CNTNAP3: variants seen among roughly 807,000 people sequenced by gnomAD.
CNTNAP3 encodes contactin associated protein family member 3, also known as contactin-associated protein-like 3.
CNTNAP3 carries 36 observed loss-of-function variants against 92.1 expected under a neutral mutation model. That is an observed-to-expected ratio of 0.39 (90% CI 0.30 to 0.52). CNTNAP3 has a LOEUF of 0.52. CNTNAP3 is among the 20% of genes least tolerant of loss of function. The probability of loss-of-function intolerance (pLI) is 0.76; values close to 1 mark genes in which losing one functional copy is unlikely to be tolerated. For missense variants in CNTNAP3, 534 were observed against 1,069.6 expected (o/e 0.50, Z 6.98); for synonymous variants, 232 against 422.3 (o/e 0.55, Z 5.53).
intron 13 of CNTNAP3, among the ~76,000 whole-genome samples, chr9:39,132,315 AG>A (rs1421773824): frequency 6.6e-6 from 1 of 152,138 alleles, no homozygotes; most frequent in African/African-American, 2.4e-5. Context: ...TTAACTTAGG[AG>A]AAGATGGTTT....
At chr9:39,137,328 T>C (rs1478933845) in intron 12 of CNTNAP3, among the ~76,000 whole-genome samples, 1 of 151,972 alleles carries the variant, frequency 6.6e-6, no homozygotes, top group Non-Finnish European at 1.5e-5. Flanking sequence ...GTTATGCTGT[T>C]TTTGATCTCT....
intron 18 of CNTNAP3, among the ~76,000 whole-genome samples, chr9:39,091,171 C>CTTCTT (rs1554714450): frequency 6.3e-4 from 81 of 128,492 alleles, no homozygotes; most frequent in African/African-American, 2.1e-3. Flanking sequence ...TTTTCTTCTT[C>CTTCTT]TTTTTTTTTT....
At chr9:39,113,483 A>C (rs1440669412) in intron 14 of CNTNAP3, among the ~76,000 whole-genome samples, 3 of 152,030 alleles carry the variant, frequency 2.0e-5, no homozygotes, top group Non-Finnish European at 4.4e-5. Context: ...TAAATTCAGC[A>C]AACTTACTGA....
At chr9:39,124,890 A>C (rs1472270777) in intron 13 of CNTNAP3, among the ~76,000 whole-genome samples, 2 of 152,094 alleles carry the variant, frequency 1.3e-5, no homozygotes, top group African/African-American at 4.8e-5. Context: ...AGAAATAGGA[A>C]CACTTTTACA....
intron 21 of CNTNAP3, among the ~76,000 whole-genome samples, chr9:39,082,562 G>C (rs539143311): frequency 6.6e-6 from 1 of 152,422 alleles, no homozygotes; most frequent in African/African-American, 2.4e-5. Context: ...CATTGGCTCT[G>C]AGTGTCTCCT....
At chr9:39,113,497 C>G (rs1338940349) in intron 14 of CNTNAP3, among the ~76,000 whole-genome samples, 3 of 151,738 alleles carry the variant, frequency 2.0e-5, no homozygotes, top group African/African-American at 7.3e-5. Context: ...TTACTGAACT[C>G]TCATTTTTCC....
At chr9:39,088,964 C>CTTA (rs1421503217) in intron 18 of CNTNAP3, among the ~76,000 whole-genome samples, 1 of 152,232 alleles carries the variant, frequency 6.6e-6, no homozygotes, top group Non-Finnish European at 1.5e-5. Flanking sequence ...TTATAGGTGA[C>CTTA]TTATCTCATC....
rs1449609279 is a variant in CNTNAP3 at position 39,071,945 on chromosome 9, G to C, written c.*1945C>G. Reference sequence around the variant, plus strand: ...CACATTTTTGCATAAATTTTAAAAAGCATATAATTCTGTAATTTTAATTTT... The same window carrying C: ...CACATTTTTGCATAAATTTTAAAAACCATATAATTCTGTAATTTTAATTTT... On this transcript the variant is annotated 3_prime_UTR_variant, in exon 24 of 24. Transcript: ENST00000297668. 1.1e-4 allele frequency among the ~76,000 whole-genome samples: 12 copies of C among 107,180 alleles called. No individual in the cohort carries two copies. Among genetic ancestry groups the C allele is most frequent in the East Asian group, 2.7e-4 (1 of 3,712 alleles). The allele number at this position is 107,180 out of a possible 152,430, so 70.3% of individuals were successfully genotyped here.
intron 14 of CNTNAP3, among the ~76,000 whole-genome samples, chr9:39,117,311 C>G (rs745825681): frequency 1.3e-5 from 2 of 151,908 alleles, no homozygotes; most frequent in African/African-American, 4.8e-5. Flanking sequence ...TTTTAAAGCA[C>G]GTACTCTACA....
intron 13 of CNTNAP3, among the ~76,000 whole-genome samples, chr9:39,132,684 CT>C: frequency 6.6e-6 from 1 of 152,132 alleles, no homozygotes; most frequent in East Asian, 1.9e-4. Flanking sequence ...CAAAATTTCC[CT>C]TGATTAAGAA....
At chr9:39,142,308 C>T (rs1260261317) in intron 11 of CNTNAP3, among the ~76,000 whole-genome samples, 2 of 152,214 alleles carry the variant, frequency 1.3e-5, no homozygotes, top group East Asian at 1.9e-4. Flanking sequence ...AAGATGTACT[C>T]CCTGCACCAA....
chr9:39,134,895 TTG>T (rs1821392853), intron 12 of CNTNAP3, among the ~76,000 whole-genome samples: 1 of 152,212 alleles, frequency 6.6e-6, no homozygotes, highest in African/African-American at 2.4e-5. Flanking sequence ...TCATGATTTG[TTG>T]TACAATGGGA....
chr9:39,132,917 A>C lies in CNTNAP3; in HGVS notation c.2080+15T>G. The C allele has an allele frequency of 6.5e-7, 1 of 1,539,836 alleles. No homozygotes were observed. Among genetic ancestry groups the C allele is most frequent in the South Asian group, 1.2e-5 (1 of 84,676 alleles). On this transcript the variant is annotated intron_variant, in intron 13 of 23. Transcript: ENST00000297668. ...GGCCCCGTGAACCCCTGTAGCCTCC[A>C]GGAGTGGCGCTTACCTCGTGAGTCC...
intron 13 of CNTNAP3, among the ~76,000 whole-genome samples, chr9:39,123,062 A>C (rs1821070969): frequency 6.6e-6 from 1 of 152,030 alleles, no homozygotes; most frequent in African/African-American, 2.4e-5. Context: ...ATGAAAAATG[A>C]AACATAATAT....
chr9:39,139,009 A>C (rs1033059302), intron 12 of CNTNAP3, among the ~76,000 whole-genome samples: 1 of 152,198 alleles, frequency 6.6e-6, no homozygotes, highest in African/African-American at 2.4e-5. Context: ...TACCATATAT[A>C]CATTTCAAGC....
chr9:39,114,027 C>CAT (rs1490763172), intron 14 of CNTNAP3, among the ~76,000 whole-genome samples: 1 of 136,332 alleles, frequency 7.3e-6, no homozygotes, highest in Non-Finnish European at 1.7e-5. Flanking sequence ...TATATATACA[C>CAT]ACATATATAC....
At position 39,158,255 on chromosome 9, in the gene CNTNAP3, G is replaced by T. The variant is rs150486108; in HGVS notation, c.1477+7678C>A. The stretch of plus-strand genomic sequence containing the variant: ...AATGATGAAGGGAAGCTCCATAAAG[G>T]GTGGTCTATTTAAAATCGGTTCCTG... On this transcript the variant is annotated intron_variant, in intron 9 of 23. Transcript: ENST00000297668. 5.7e-3 allele frequency among the ~76,000 whole-genome samples: 805 copies of T among 142,234 alleles called. 44 individuals are homozygous for T. The highest frequency in any genetic ancestry group is 0.011 in the Middle Eastern group (3 of 280). The allele number at this position is 142,234 out of a possible 152,430, so 93.3% of individuals were successfully genotyped here. A position where few individuals can be genotyped will look rare whatever the true frequency, so the allele number is the denominator to read the frequency against.
At chr9:39,085,446 C>T in intron 21 of CNTNAP3, 3 of 418,768 alleles carry the variant, frequency 7.2e-6, no homozygotes, top group South Asian at 2.8e-5. Flanking sequence ...GCTTTGACAA[C>T]ATTTCACTTT....
chr9:39,140,895 A>G (rs952781518), intron 11 of CNTNAP3, among the ~76,000 whole-genome samples: 2 of 152,218 alleles, frequency 1.3e-5, no homozygotes, highest in African/African-American at 4.8e-5. Context: ...TGCTGAATAA[A>G]TATTTGGTCA....
Sources: allele counts gnomAD v4.1 joint callset (sites outside exome capture counted in the v4.1 genomes callset), GRCh38; gene constraint gnomAD v4.1.1; transcripts MANE v1.5; gene names NCBI Gene and HGNC (gene_info 2026-07-23, HGNC 2026-07-21).